Variants in GPC6 observed in about 807,000 individuals in gnomAD.
GPC6 encodes glypican 6.
GPC6 carries 14 observed loss-of-function variants against 55.2 expected under a neutral mutation model. That is an observed-to-expected ratio of 0.25 (90% CI 0.17 to 0.40). GPC6 has a LOEUF of 0.40. Ranked by LOEUF, GPC6 falls within the 10% of genes least tolerant of loss-of-function variation. The pLI is 1.00. For synonymous variants in GPC6, 278 were observed against 259.6 expected, an observed-to-expected ratio of 1.07 and a Z score of -0.68; for missense variants, 641 against 708.5, an observed-to-expected ratio of 0.90 and a Z score of 1.08.
chr13:94,003,777 A>G (rs541515444), intron 3 of GPC6, among the ~76,000 whole-genome samples: 8 of 152,262 alleles, frequency 5.3e-5, no homozygotes, highest in Admixed American at 3.3e-4. Flanking sequence ...CATTTTGATA[A>G]TTATAATTAC....
intron 4 of GPC6, among the ~76,000 whole-genome samples, chr13:94,215,274 G>T (rs184252675): frequency 3.0e-4 from 45 of 152,084 alleles, no homozygotes; most frequent in Admixed American, 1.0e-3. Flanking sequence ...TGAAAATAAA[G>T]GGCTTCTCAA....
chr13:93,362,680 A>T (rs200786300), intron 1 of GPC6, among the ~76,000 whole-genome samples: 9 of 129,886 alleles, frequency 6.9e-5, no homozygotes, highest in East Asian at 5.4e-4. Context: ...TACTGATAAT[A>T]AAAAAAAAAA....
intron 4 of GPC6, among the ~76,000 whole-genome samples, chr13:94,048,921 T>C (rs949585350): frequency 1.3e-5 from 2 of 152,042 alleles, no homozygotes; most frequent in African/African-American, 2.4e-5. Context: ...TCATGTTCTC[T>C]GCTCCCCTTC....
intron 2 of GPC6, among the ~76,000 whole-genome samples, chr13:93,546,603 A>G (rs1049794763): frequency 6.6e-6 from 1 of 152,178 alleles, no homozygotes; most frequent in South Asian, 2.1e-4. Context: ...ATATGAAAAT[A>G]ATTTTTATTT....
intron 2 of GPC6, among the ~76,000 whole-genome samples, chr13:93,721,970 A>G (rs1883470502): frequency 6.6e-6 from 1 of 151,834 alleles, no homozygotes; most frequent in Non-Finnish European, 1.5e-5. Context: ...ATGTTTTCAG[A>G]TTTTTAATAT....
At chr13:93,528,987 G>T (rs558929303) in intron 1 of GPC6, among the ~76,000 whole-genome samples, 1 of 152,104 alleles carries the variant, frequency 6.6e-6, no homozygotes, top group African/African-American at 2.4e-5. Context: ...GTCTATCACA[G>T]TCCACATACT....
intron 4 of GPC6, among the ~76,000 whole-genome samples, chr13:94,124,921 T>C (rs1296032734): frequency 6.6e-6 from 1 of 152,122 alleles, no homozygotes; most frequent in Non-Finnish European, 1.5e-5. Flanking sequence ...CAGGAGAAAC[T>C]GTACTTTGCC....
At chr13:93,552,751 A>G (rs1197355153) in intron 2 of GPC6, among the ~76,000 whole-genome samples, 1 of 152,176 alleles carries the variant, frequency 6.6e-6, no homozygotes, top group East Asian at 1.9e-4. Flanking sequence ...TCTTTTAAGT[A>G]TTGCTCTATC....
intron 1 of GPC6, among the ~76,000 whole-genome samples, chr13:93,474,974 CA>C (rs1332360596): frequency 5.3e-5 from 8 of 152,142 alleles, no homozygotes; most frequent in Admixed American, 3.3e-4. Context: ...TTGCAAGACC[CA>C]GCCTCTAAAA....
chr13:94,245,214 A>C (rs1202670261), intron 4 of GPC6, among the ~76,000 whole-genome samples: 6 of 151,578 alleles, frequency 4.0e-5, no homozygotes, highest in Non-Finnish European at 8.8e-5. Context: ...TTTATTCTCT[A>C]TCTCTATATA....
At chr13:93,990,754 T>A (rs1216742994) in intron 3 of GPC6, among the ~76,000 whole-genome samples, 2 of 151,764 alleles carry the variant, frequency 1.3e-5, no homozygotes, top group African/African-American at 2.4e-5. Flanking sequence ...TCCTAGCTAC[T>A]TGGGAAGCTG....
chr13:93,615,391 C>A (rs1887660), intron 2 of GPC6, among the ~76,000 whole-genome samples: 5 of 151,914 alleles, frequency 3.3e-5, no homozygotes, highest in African/African-American at 1.2e-4. Context: ...TCCCTTTTGT[C>A]GAGAGGATTC....
chr13:93,814,779 G>A (rs1886797668), intron 2 of GPC6, among the ~76,000 whole-genome samples: 1 of 152,172 alleles, frequency 6.6e-6, no homozygotes, highest in Admixed American at 6.5e-5. Flanking sequence ...TGAAAGGTTA[G>A]TATTCTATCC....
At chr13:93,359,768 CAAGGT>C (rs796472866) in intron 1 of GPC6, among the ~76,000 whole-genome samples, 56 of 152,230 alleles carry the variant, frequency 3.7e-4, no homozygotes, top group African/African-American at 1.2e-3. Flanking sequence ...TGGAGGAAGG[CAAGGT>C]AAGTCTGCAA....
intron 1 of GPC6, among the ~76,000 whole-genome samples, chr13:93,357,603 C>T (rs34244406): frequency 0.061 from 9,273 of 151,620 alleles, 401 homozygotes; most frequent in East Asian, 0.12. Context: ...GTTTTGGAGG[C>T]TGAAGTGGGC....
intron 3 of GPC6, among the ~76,000 whole-genome samples, chr13:93,942,613 C>T (rs986800830): frequency 6.6e-6 from 1 of 152,172 alleles, no homozygotes; most frequent in Non-Finnish European, 1.5e-5. Context: ...TGAGCCAGTG[C>T]ACCCGGCCCA....
chr13:93,597,927 G>T (rs1208717374), intron 2 of GPC6, among the ~76,000 whole-genome samples: 2 of 151,946 alleles, frequency 1.3e-5, no homozygotes, highest in Non-Finnish European at 2.9e-5. Context: ...AGGCGGACCA[G>T]GAGGTCAGGA....
intron 4 of GPC6, among the ~76,000 whole-genome samples, chr13:94,139,224 A>T (rs192313226): frequency 6.6e-6 from 1 of 152,176 alleles, no homozygotes; most frequent in East Asian, 1.9e-4. Flanking sequence ...GCAGCCAACA[A>T]TGGTATTTTG....
At chr13:94,336,462 A>G (rs58281983) in intron 6 of GPC6, among the ~76,000 whole-genome samples, 6,370 of 152,148 alleles carry the variant, frequency 0.042, 208 homozygotes, top group African/African-American at 0.088. Flanking sequence ...CTTTCTTATG[A>G]GCCTGTGTCT....
Sources: gnomAD v4.1 joint callset for allele counts (sites outside exome capture counted in the v4.1 genomes callset) on GRCh38, gnomAD v4.1.1 for gene constraint, MANE v1.5 for transcripts, NCBI Gene and HGNC (gene_info 2026-07-23, HGNC 2026-07-21) for gene names.